The following COL24A1 variants were observed in gnomAD, a reference collection of about 807,000 sequenced individuals.
COL24A1 encodes the protein collagen alpha-1(XXIV) chain.
A neutral mutation model predicts 253.9 loss-of-function variants in COL24A1; 224 were observed. The ratio of observed to expected loss-of-function variants is 0.88; its 90% CI spans 0.79 to 0.99. The LOEUF (loss-of-function observed/expected upper bound fraction) is 0.99. Ranked by LOEUF, COL24A1 falls within the 50% of genes least tolerant of loss-of-function variation. The pLI is 0.00. For missense variants in COL24A1, 2,131 were observed against 2,068.5 expected (o/e 1.03, Z -0.59); for synonymous variants, 685 against 673.7 (o/e 1.02, Z -0.26).
intron 48 of COL24A1, 152 bp downstream of exon 48, chr1:85,786,202 C>A: frequency 5.2e-6 from 3 of 574,550 alleles, no homozygotes; most frequent in Non-Finnish European, 8.8e-6. Flanking sequence ...TATGTCAAAA[C>A]TACATACTTT....
At chr1:86,021,799 C>T (rs1697562434) in intron 18 of COL24A1, among the ~76,000 whole-genome samples, 1 of 151,408 alleles carries the variant, frequency 6.6e-6, no homozygotes, top group African/African-American at 2.4e-5. Context: ...AATTGATGTC[C>T]AAGGGTCAGG....
intron 47 of COL24A1, among the ~76,000 whole-genome samples, chr1:85,797,407 G>A (rs888439491): frequency 2.6e-5 from 4 of 152,100 alleles, no homozygotes; most frequent in Non-Finnish European, 5.9e-5. Flanking sequence ...AGAAAGGTGA[G>A]TGAAGGAGGT....
At chr1:85,983,059 C>A (rs540278425) in intron 20 of COL24A1, among the ~76,000 whole-genome samples, 1 of 151,942 alleles carries the variant, frequency 6.6e-6, no homozygotes, top group Non-Finnish European at 1.5e-5. Flanking sequence ...AGAACTATTT[C>A]CATATATTAC....
intron 5 of COL24A1, among the ~76,000 whole-genome samples, chr1:86,103,249 C>A (rs146651676): frequency 3.3e-5 from 5 of 152,050 alleles, no homozygotes; most frequent in African/African-American, 1.2e-4. Context: ...TTTTCTTTAT[C>A]TCTTTATTTT....
rs1558122586 is a variant in COL24A1, at chr1:85,786,468, A to G, written c.3952-7T>C. The G allele has an allele frequency of 1.9e-6, 3 of 1,606,530 alleles. No homozygotes were observed. Among genetic ancestry groups the G allele is most frequent in the East Asian group, 2.2e-5 (1 of 44,822 alleles). On this transcript the variant is annotated splice_polypyrimidine_tract_variant and splice_region_variant and intron_variant, in intron 47 of 59. Coordinates refer to ENST00000370571, the MANE Select transcript of COL24A1 (RefSeq NM_152890.7). ...CTGGGCCGCCTCTGATGCCCTAAATAACACAGATAAGAAATGAAAACTGGG... is the reference window on the plus strand; with the variant it reads ...CTGGGCCGCCTCTGATGCCCTAAATGACACAGATAAGAAATGAAAACTGGG...
At chr1:86,032,539 T>A (rs1461279187) in intron 13 of COL24A1, among the ~76,000 whole-genome samples, 1 of 152,166 alleles carries the variant, frequency 6.6e-6, no homozygotes, top group African/African-American at 2.4e-5. Context: ...GATTTGTGAT[T>A]GGTCTTTTGA....
rs760793521 is a variant in COL24A1, at chr1:86,057,980, T to G, written c.1807-5A>C. ...ACCTTCTGGTCCAGCTAAACCCTGG[T>G]GTAAACAAAAGACATTGTCATCATA... On this transcript the variant is annotated splice_polypyrimidine_tract_variant and splice_region_variant and intron_variant, in intron 9 of 59. Transcript: ENST00000370571. The G allele has an allele frequency of 1.7e-5, 27 of 1,612,178 alleles. No homozygotes were observed. Among genetic ancestry groups the G allele is most frequent in the Non-Finnish European group, 2.0e-5 (24 of 1,178,922 alleles).
chr1:85,756,358 G>T (rs891612673), intron 55 of COL24A1, among the ~76,000 whole-genome samples: 3 of 152,082 alleles, frequency 2.0e-5, no homozygotes, highest in Non-Finnish European at 4.4e-5. Flanking sequence ...GGCAGAGGTT[G>T]CCGTGAGCTG....
intron 7 of COL24A1, among the ~76,000 whole-genome samples, chr1:86,073,222 C>A (rs879628671): frequency 5.9e-5 from 9 of 151,920 alleles, no homozygotes; most frequent in Non-Finnish European, 1.0e-4. Flanking sequence ...AAGCTAAGAA[C>A]CTTGAAAAAA....
At chr1:86,028,462 T>G (rs1274918579) in intron 14 of COL24A1, among the ~76,000 whole-genome samples, 2 of 151,712 alleles carry the variant, frequency 1.3e-5, no homozygotes, top group Admixed American at 6.6e-5. Context: ...CTCATGGTTT[T>G]ATAAGCATCT....
intron 19 of COL24A1, among the ~76,000 whole-genome samples, chr1:86,005,805 T>C (rs1213554043): frequency 1.3e-5 from 2 of 152,112 alleles, no homozygotes; most frequent in East Asian, 1.9e-4. Flanking sequence ...TGATTGGCTA[T>C]GCAGAAAAGC....
rs115172073 is a variant in COL24A1 at position 86,103,590 on chromosome 1, C to T, written c.1599+8977G>A. ...AGGTCTGATGGTGATTAACTAACTC[C>T]CTCAGCATTTGCTTGTCTGAAAAGG... On this transcript the variant is annotated intron_variant, in intron 5 of 59. Transcript: ENST00000370571. Among the ~76,000 whole-genome samples the T allele has an allele frequency of 6.6e-3, 997 of 152,192 alleles. 15 individuals are homozygous for T. The highest frequency in any genetic ancestry group is 0.023 in the African/African-American group (968 of 41,524).
At chr1:85,807,404 T>C (rs1672094769) in intron 47 of COL24A1, among the ~76,000 whole-genome samples, 1 of 152,224 alleles carries the variant, frequency 6.6e-6, no homozygotes, top group African/African-American at 2.4e-5. Flanking sequence ...CTGGAATCCC[T>C]GAGTGGTAGA....
chr1:85,949,054 G>A (rs1193199867), intron 24 of COL24A1, among the ~76,000 whole-genome samples: 2 of 151,986 alleles, frequency 1.3e-5, no homozygotes, highest in East Asian at 1.9e-4. Flanking sequence ...GTGACATATT[G>A]GTATCTTCTA....
rs187114451 is a variant in COL24A1 at position 86,124,952 on chromosome 1, C to A, written c.1384G>T (p.Glu462Ter). 1 of 1,612,676 alleles carries A rather than the reference C, an allele frequency of 6.2e-7. No homozygotes were observed. Among genetic ancestry groups the A allele is most frequent in the Non-Finnish European group, 8.5e-7 (1 of 1,179,456 alleles). ...EFYPDATYPI[E>*]NSYETELYDY... ...TAAAGCTCAGTTTCATAGCTATTTTCGATGGGATAAGTAGCATCAGGATAA... is the reference window on the plus strand; with the variant it reads ...TAAAGCTCAGTTTCATAGCTATTTTAGATGGGATAAGTAGCATCAGGATAA... The change falls in exon 3 of 60, where the codon GAA (glutamate) becomes TAA (stop). Residue 462 changes from glutamate (E) to a stop codon, truncating the protein, a stop_gained. Transcript: ENST00000370571. LOFTEE classifies it high-confidence loss of function.
At chr1:85,735,067 G>A in intron 58 of COL24A1, 103 bp from the exon 59 acceptor site, 2 of 1,051,736 alleles carry the variant, frequency 1.9e-6, no homozygotes, top group Admixed American at 2.2e-5. Context: ...CCTCCAGAAA[G>A]CTCCTTTCCT....
At chr1:85,735,014 T>G in intron 58 of COL24A1, 50 bp from the exon 59 acceptor site, 1 of 1,566,870 alleles carries the variant, frequency 6.4e-7, no homozygotes, top group South Asian at 1.1e-5. Flanking sequence ...ATTGAGAAAC[T>G]TAACAGTTCA....
At chr1:85,827,901 T>C (rs1674608368) in intron 43 of COL24A1, among the ~76,000 whole-genome samples, 1 of 152,032 alleles carries the variant, frequency 6.6e-6, no homozygotes, top group Admixed American at 6.6e-5. Flanking sequence ...TTTTGAAGGG[T>C]TTTTTGTGTC....
Position 85,867,340 on chromosome 1 carries a change from A to G in COL24A1, c.3300+1179T>C, listed in dbSNP as rs113435964. ...GTTCCTCAGTCTTTACTGAGCCCCA[A>G]TGTGGAAATACTGGAGCACAGAAGC... is the stretch of plus-strand genomic sequence containing the variant. On this transcript the variant is annotated intron_variant, in intron 37 of 59. Coordinates refer to ENST00000370571, the MANE Select transcript of COL24A1 (RefSeq NM_152890.7). Among the ~76,000 whole-genome samples, 1,144 of 152,324 alleles carry G rather than the reference A, an allele frequency of 7.5e-3. 14 individuals carry two copies. Among genetic ancestry groups the G allele is most frequent in the African/African-American group, 0.024 (992 of 41,578 alleles).
Sources: allele counts gnomAD v4.1 joint callset (sites outside exome capture counted in the v4.1 genomes callset), GRCh38; gene constraint gnomAD v4.1.1; transcripts MANE v1.5; gene names NCBI Gene and HGNC (gene_info 2026-07-23, HGNC 2026-07-21).